CACNA2D1: variants seen among roughly 807,000 people sequenced by gnomAD.
The protein encoded by CACNA2D1 is voltage-dependent calcium channel subunit alpha-2/delta-1.
A neutral mutation model predicts 171.5 loss-of-function variants in CACNA2D1; 53 were observed. The ratio of observed to expected loss-of-function variants is 0.31; its 90% CI spans 0.25 to 0.39. CACNA2D1 has a LOEUF of 0.39. Among genes scored for constraint, CACNA2D1 ranks in the 10% least tolerant of loss-of-function variants. The pLI, the probability that CACNA2D1 is intolerant of heterozygous loss-of-function variation, is 1.00. For synonymous variants in CACNA2D1, 442 were observed against 443.1 expected, an observed-to-expected ratio of 1.00 and a Z score of 0.03; for missense variants, 903 against 1,299.8, an observed-to-expected ratio of 0.69 and a Z score of 4.69.
At chr7:81,969,084 C>G (rs1795008219) in intron 28 of CACNA2D1, 111 bp from the exon 29 acceptor site, 2 of 683,630 alleles carry the variant, frequency 2.9e-6, no homozygotes, top group African/African-American at 1.8e-5. Flanking sequence ...ATTCTAGCAT[C>G]TACAAACTAT....
At chr7:82,218,596 A>T (rs997986603) in intron 3 of CACNA2D1, among the ~76,000 whole-genome samples, 1 of 152,178 alleles carries the variant, frequency 6.6e-6, no homozygotes, top group African/African-American at 2.4e-5. Flanking sequence ...TAAATTGATT[A>T]ATTACCAGGA....
chr7:81,959,663 A>G, intron 37 of CACNA2D1, 57 bp downstream of exon 37: 10 of 1,530,044 alleles, frequency 6.5e-6, no homozygotes, highest in Non-Finnish European at 9.0e-6. Flanking sequence ...ATGTGACAAG[A>G]TTCAAAATGC....
chr7:82,141,926 T>G (rs1792442188), intron 4 of CACNA2D1, among the ~76,000 whole-genome samples: 1 of 152,188 alleles, frequency 6.6e-6, no homozygotes, highest in Admixed American at 6.5e-5. Context: ...CTATGGCATA[T>G]AAACTAATTA....
chr7:82,044,120 A>G (rs367617858), intron 10 of CACNA2D1, among the ~76,000 whole-genome samples: 1 of 152,124 alleles, frequency 6.6e-6, no homozygotes, highest in East Asian at 1.9e-4. Flanking sequence ...CCTGGCCTCA[A>G]GTGATCCTCC....
chr7:82,221,241 G>C (rs1460380016), intron 3 of CACNA2D1, among the ~76,000 whole-genome samples: 1 of 152,070 alleles, frequency 6.6e-6, no homozygotes, highest in Non-Finnish European at 1.5e-5. Flanking sequence ...CCACTGAAAG[G>C]GTTTTGGGTA....
At chr7:82,052,618 G>T (rs1019434352) in intron 10 of CACNA2D1, among the ~76,000 whole-genome samples, 7 of 152,056 alleles carry the variant, frequency 4.6e-5, no homozygotes, top group Admixed American at 3.3e-4. Flanking sequence ...TTAAAATTAT[G>T]AATTTAACGT....
intron 1 of CACNA2D1, among the ~76,000 whole-genome samples, chr7:82,426,964 T>C (rs988813606): frequency 6.6e-6 from 1 of 152,336 alleles, no homozygotes; most frequent in South Asian, 2.1e-4. Context: ...TTCCATTTTA[T>C]TAGTTGTTTT....
intron 18 of CACNA2D1, among the ~76,000 whole-genome samples, chr7:82,002,021 CAAAAAAAAAAAAA>C (rs35861959): frequency 1.1e-5 from 1 of 89,438 alleles, no homozygotes; most frequent in Non-Finnish European, 2.1e-5. Flanking sequence ...ATTGATTTGA[CAAAAAAAAAAAAA>C]AAAAAAAAAG....
intron 1 of CACNA2D1, among the ~76,000 whole-genome samples, chr7:82,406,709 T>A (rs1265785946): frequency 6.6e-6 from 1 of 152,232 alleles, no homozygotes; most frequent in Admixed American, 6.5e-5. Context: ...AAGTGTCTGT[T>A]CATATCCTTC....
chr7:82,293,828 T>G (rs1005538858), intron 3 of CACNA2D1, among the ~76,000 whole-genome samples: 1 of 152,204 alleles, frequency 6.6e-6, no homozygotes, highest in Non-Finnish European at 1.5e-5. Context: ...TAAAGGCAGC[T>G]TGTGGCTCCT....
intron 19 of CACNA2D1, among the ~76,000 whole-genome samples, chr7:81,995,250 G>C (rs1797924858): frequency 6.6e-6 from 1 of 152,182 alleles, no homozygotes; most frequent in Admixed American, 6.5e-5. Flanking sequence ...GGAGTGGAAA[G>C]TAGTCATTGA....
At chr7:81,987,323 A>G (rs1353585533) in intron 21 of CACNA2D1, among the ~76,000 whole-genome samples, 2 of 152,112 alleles carry the variant, frequency 1.3e-5, no homozygotes, top group Non-Finnish European at 2.9e-5. Context: ...ATAGACCAAG[A>G]CTGCTTTATT....
intron 4 of CACNA2D1, among the ~76,000 whole-genome samples, chr7:82,166,913 A>G (rs1357889145): frequency 2.6e-5 from 4 of 152,062 alleles, no homozygotes; most frequent in Admixed American, 1.3e-4. Context: ...TGTTGCCAGC[A>G]TATTAGTGCT....
intron 12 of CACNA2D1, among the ~76,000 whole-genome samples, chr7:82,022,242 C>G (rs931394126): frequency 6.6e-6 from 1 of 151,704 alleles, no homozygotes; most frequent in Non-Finnish European, 1.5e-5. Context: ...CACACACACA[C>G]ACACACACAC....
intron 21 of CACNA2D1, among the ~76,000 whole-genome samples, chr7:81,986,891 T>C (rs369890610): frequency 2.0e-5 from 3 of 152,176 alleles, no homozygotes; most frequent in East Asian, 1.9e-4. Flanking sequence ...GCACTGAAGA[T>C]TGTCTCCCAG....
At chr7:82,041,041 A>G (rs936505231) in intron 10 of CACNA2D1, among the ~76,000 whole-genome samples, 1 of 50,324 alleles carries the variant, frequency 2.0e-5, no homozygotes, top group Non-Finnish European at 4.1e-5. Flanking sequence ...TTATGTAGGC[A>G]GCCTTGGGTT....
chr7:82,277,712 A>T (rs749601290), intron 3 of CACNA2D1, among the ~76,000 whole-genome samples: 31 of 68,400 alleles, frequency 4.5e-4, no homozygotes, highest in Non-Finnish European at 8.1e-4. Flanking sequence ...AGATTGTCAT[A>T]AAAAAATGCA....
At chr7:82,173,428 T>A (rs1049164345) in intron 3 of CACNA2D1, among the ~76,000 whole-genome samples, 3 of 152,066 alleles carry the variant, frequency 2.0e-5, no homozygotes, top group Non-Finnish European at 2.9e-5. Context: ...AAATTTCATA[T>A]CCCCAGGTTG....
intron 3 of CACNA2D1, among the ~76,000 whole-genome samples, chr7:82,200,537 T>C (rs1468009179): frequency 6.6e-6 from 1 of 152,198 alleles, no homozygotes; most frequent in Non-Finnish European, 1.5e-5. Flanking sequence ...GGAACATGAA[T>C]TCTGCAAATT....
Sources: allele counts gnomAD v4.1 joint callset (sites outside exome capture counted in the v4.1 genomes callset), GRCh38; gene constraint gnomAD v4.1.1; transcripts MANE v1.5; gene names NCBI Gene and HGNC (gene_info 2026-07-23, HGNC 2026-07-21).